Variants in ATRNL1 observed in about 807,000 individuals in gnomAD.
ATRNL1 encodes attractin like 1.
ATRNL1 carries 95 observed loss-of-function variants against 182.7 expected under a neutral mutation model. The observed-to-expected ratio is 0.52, with a 90% CI of 0.44 to 0.62. ATRNL1 has a LOEUF of 0.62. ATRNL1 is among the 20% of genes least tolerant of loss of function. The pLI, the probability that ATRNL1 is intolerant of heterozygous loss-of-function variation, is 0.00. For missense variants in ATRNL1, 1,471 were observed against 1,679.5 expected (o/e 0.88, Z 2.17); for synonymous variants, 576 against 568.3 (o/e 1.01, Z -0.19).
At chr10:115,462,300 G>T (rs1260632023) in intron 22 of ATRNL1, among the ~76,000 whole-genome samples, 1 of 151,904 alleles carries the variant, frequency 6.6e-6, no homozygotes, top group Non-Finnish European at 1.5e-5. Context: ...AATTATACAA[G>T]CACGGACTGT....
chr10:115,104,844 G>C (rs1843930634), intron 1 of ATRNL1, among the ~76,000 whole-genome samples: 1 of 152,060 alleles, frequency 6.6e-6, no homozygotes, highest in South Asian at 2.1e-4. Context: ...TGTCAAAAAT[G>C]AGTTCACTGT....
At chr10:115,584,517 A>T (rs1855370634) in intron 26 of ATRNL1, among the ~76,000 whole-genome samples, 1 of 139,514 alleles carries the variant, frequency 7.2e-6, no homozygotes, top group Admixed American at 7.5e-5. Flanking sequence ...TTTCTTCTAG[A>T]TTTTCTAGTT....
At chr10:115,869,042 G>A (rs1951513798) in intron 28 of ATRNL1, among the ~76,000 whole-genome samples, 1 of 151,798 alleles carries the variant, frequency 6.6e-6, no homozygotes, top group Non-Finnish European at 1.5e-5. Context: ...TGTTGGCCAG[G>A]ATTGTCTTGA....
At chr10:115,605,857 A>G (rs763194135) in intron 26 of ATRNL1, among the ~76,000 whole-genome samples, 1 of 151,950 alleles carries the variant, frequency 6.6e-6, no homozygotes, top group African/African-American at 2.4e-5. Flanking sequence ...TGTTTATCCT[A>G]TGCTAAGTAT....
At chr10:115,457,710 T>C (rs1554969011) in intron 21 of ATRNL1, among the ~76,000 whole-genome samples, 1 of 152,000 alleles carries the variant, frequency 6.6e-6, no homozygotes, top group African/African-American at 2.4e-5. Flanking sequence ...CCACCACATG[T>C]CCCTCCCTGC....
intron 19 of ATRNL1, among the ~76,000 whole-genome samples, chr10:115,371,871 C>A (rs1592545322): frequency 2.0e-5 from 3 of 152,024 alleles, no homozygotes; most frequent in Non-Finnish European, 4.4e-5. Context: ...TGAATTGTAG[C>A]CCCCGTAATT....
chr10:115,509,383 T>C (rs1224637931), intron 24 of ATRNL1, among the ~76,000 whole-genome samples: 1 of 151,762 alleles, frequency 6.6e-6, no homozygotes, highest in Non-Finnish European at 1.5e-5. Flanking sequence ...GTGTTGGAGG[T>C]GGGGGCCTGG....
intron 9 of ATRNL1, among the ~76,000 whole-genome samples, chr10:115,219,412 A>G (rs1444610353): frequency 2.6e-5 from 4 of 152,050 alleles, no homozygotes; most frequent in Admixed American, 6.6e-5. Flanking sequence ...GCATTTCTCT[A>G]TTGATGACAC....
intron 5 of ATRNL1, among the ~76,000 whole-genome samples, chr10:115,159,188 A>G (rs1846661877): frequency 6.6e-6 from 1 of 151,526 alleles, no homozygotes; most frequent in Admixed American, 6.6e-5. Context: ...TGTTTGTTTT[A>G]TGCTTATAAA....
intron 1 of ATRNL1, among the ~76,000 whole-genome samples, chr10:115,100,090 G>C (rs1400743112): frequency 3.3e-5 from 5 of 152,132 alleles, no homozygotes; most frequent in African/African-American, 1.2e-4. Context: ...CTAGGAATTT[G>C]AGTGCAGCCT....
At chr10:115,943,363 T>A (rs183741414) in intron 28 of ATRNL1, among the ~76,000 whole-genome samples, 147 of 152,154 alleles carry the variant, frequency 9.7e-4, no homozygotes, top group Non-Finnish European at 1.7e-3. Context: ...AGGCAAAATA[T>A]CTGAACAGAC....
At chr10:115,467,394 T>C in intron 23 of ATRNL1, 142 bp downstream of exon 23, 1 of 504,286 alleles carries the variant, frequency 2.0e-6, no homozygotes, top group Non-Finnish European at 3.4e-6. Context: ...GTAAAAATAA[T>C]AAGTAGAAAA....
chr10:115,864,704 C>T (rs1353541072), intron 28 of ATRNL1, among the ~76,000 whole-genome samples: 6 of 152,130 alleles, frequency 3.9e-5, no homozygotes, highest in South Asian at 2.1e-4. Context: ...GAAAAGAGGC[C>T]GGGCGCGGTG....
intron 27 of ATRNL1, among the ~76,000 whole-genome samples, chr10:115,845,470 GT>G (rs1950905621): frequency 1.3e-5 from 2 of 152,006 alleles, no homozygotes; most frequent in Middle Eastern, 3.2e-3. Context: ...TCCACCTGAA[GT>G]TTAGTTATTT....
intron 28 of ATRNL1, among the ~76,000 whole-genome samples, chr10:115,872,446 T>C (rs1757412070): frequency 6.6e-6 from 1 of 152,184 alleles, no homozygotes; most frequent in African/African-American, 2.4e-5. Context: ...GGTAGAAGTG[T>C]GTTAATCAGA....
At chr10:115,440,332 T>A (rs1846608976) in intron 21 of ATRNL1, among the ~76,000 whole-genome samples, 1 of 151,890 alleles carries the variant, frequency 6.6e-6, no homozygotes, top group African/African-American at 2.4e-5. Context: ...TATATGCTCA[T>A]TGGTTCTGGG....
intron 26 of ATRNL1, among the ~76,000 whole-genome samples, chr10:115,623,019 T>C (rs1392353863): frequency 6.6e-6 from 1 of 152,142 alleles, no homozygotes; most frequent in Non-Finnish European, 1.5e-5. Flanking sequence ...TAAATTATAA[T>C]TTATAATTAT....
chr10:115,455,123 T>C (rs935280180), intron 21 of ATRNL1, among the ~76,000 whole-genome samples: 2 of 152,182 alleles, frequency 1.3e-5, no homozygotes, highest in African/African-American at 4.8e-5. Flanking sequence ...CTTTGCCAGA[T>C]GTTTTTCTGC....
chr10:115,530,197 T>A (rs1851484370), intron 25 of ATRNL1, among the ~76,000 whole-genome samples: 1 of 152,180 alleles, frequency 6.6e-6, no homozygotes, highest in Admixed American at 6.5e-5. Context: ...TGTGTGTAAG[T>A]TTTTATGTGG....
Sources: allele counts gnomAD v4.1 joint callset (sites outside exome capture counted in the v4.1 genomes callset), GRCh38; gene constraint gnomAD v4.1.1; transcripts MANE v1.5; gene names NCBI Gene and HGNC (gene_info 2026-07-23, HGNC 2026-07-21).